The following NAV1 variants were observed in gnomAD, a reference collection of about 807,000 sequenced individuals.
NAV1 encodes pore membrane and/or filament interacting like protein 3.
In NAV1, 18 loss-of-function variants were observed where a neutral mutation model predicts 175.2. The observed-to-expected ratio is 0.10, with a 90% CI of 0.07 to 0.15. The LOEUF (loss-of-function observed/expected upper bound fraction) is 0.15. Ranked by LOEUF, NAV1 falls within the 10% of genes least tolerant of loss-of-function variation. The pLI is 1.00. For missense variants in NAV1, 1,731 were observed against 2,436.6 expected (o/e 0.71, Z 6.10); for synonymous variants, 897 against 978.7 (o/e 0.92, Z 1.56).
chr1:201,718,434 G>C lies in NAV1; in HGVS notation c.905G>C (p.Arg302Pro), dbSNP rs979962834. 6.4e-7 allele frequency: 1 copy of C among 1,555,070 alleles called. No homozygotes were observed. The highest frequency in any genetic ancestry group is 8.7e-7 in the Non-Finnish European group (1 of 1,144,638). Residue 302 changes from arginine to proline, a missense_variant, in exon 3 of 30, where the codon CGC becomes CCC. Arg to Pro is a moderately radical substitution (Grantham distance 103, BLOSUM62 -2). Coordinates refer to ENST00000367296, the Ensembl canonical transcript of NAV1. This position sits in a 1 kb window ranked among gnomAD's most constrained non-coding sequence, Gnocchi z 4.8. ...TACGACAGCGATGATGCCAACCCAC[G>C]CAGCGTGTCCAGCCTCTCCAACCGC... is the stretch of plus-strand genomic sequence containing the variant.
intron 3 of NAV1, among the ~76,000 whole-genome samples, chr1:201,727,823 G>A (rs1672673824): frequency 6.6e-6 from 1 of 152,170 alleles, no homozygotes; most frequent in Non-Finnish European, 1.5e-5. Context: ...AAGGAAGCAT[G>A]GGTATTTATA....
intron 11 of NAV1, 27 bp from the exon 16 acceptor site, chr1:201,790,527 T>C (rs1282573940): frequency 6.2e-7 from 1 of 1,613,678 alleles, no homozygotes; most frequent in Non-Finnish European, 8.5e-7. Flanking sequence ...TCTCTCTCTT[T>C]CTCTCCTTCT....
chr1:201,690,294 T>A (rs1230143016), intron 1 of NAV1, among the ~76,000 whole-genome samples: 1 of 107,108 alleles, frequency 9.3e-6, no homozygotes, highest in East Asian at 3.0e-4. Flanking sequence ...TGTGGCAGAA[T>A]GCTGGCTATT....
At chr1:201,823,492 A>G (rs556226834) in exon 30 of NAV1, 105 of 152,380 alleles carry the variant, frequency 6.9e-4, no homozygotes, top group African/African-American at 2.5e-3. Context: ...TGGCAGCTCT[A>G]CGGTGCTTAT....
At chr1:201,789,298 A>G (rs978064957) in intron 10 of NAV1, among the ~76,000 whole-genome samples, 1 of 152,172 alleles carries the variant, frequency 6.6e-6, no homozygotes, top group Non-Finnish European at 1.5e-5. Flanking sequence ...TTTCATCTGA[A>G]TGATCCCCAA....
intron 1 of NAV1, among the ~76,000 whole-genome samples, chr1:201,578,052 A>G (rs11585930): frequency 0.11 from 16,540 of 152,160 alleles, 1,027 homozygotes; most frequent in Admixed American, 0.14. Flanking sequence ...AAAGTTTTCA[A>G]CTATTTTTTC....
intron 15 of NAV1, 129 bp downstream of exon 19, chr1:201,794,706 C>A: frequency 2.4e-6 from 2 of 824,724 alleles, no homozygotes; most frequent in Non-Finnish European, 4.0e-6. Context: ...CCTTTAGATA[C>A]CCTTTAGTGT....
chr1:201,563,669 C>G (rs1347206872), intron 1 of NAV1, among the ~76,000 whole-genome samples: 1 of 152,110 alleles, frequency 6.6e-6, no homozygotes, highest in East Asian at 1.9e-4. Context: ...GCATGGATCC[C>G]TATTTCAGTG....
chr1:201,759,138 A>G (rs1179955287), intron 3 of NAV1, among the ~76,000 whole-genome samples: 2 of 152,180 alleles, frequency 1.3e-5, no homozygotes, highest in Non-Finnish European at 2.9e-5. Context: ...CCAAAAAAAG[A>G]TTAGATTATT....
At chr1:201,665,155 A>G (rs1669763498) in intron 1 of NAV1, among the ~76,000 whole-genome samples, 1 of 151,892 alleles carries the variant, frequency 6.6e-6, no homozygotes, top group Non-Finnish European at 1.5e-5. Flanking sequence ...CTTCTCTTTG[A>G]AGTGCTCCCC....
chr1:201,749,898 C>T (rs1673999000), intron 3 of NAV1, among the ~76,000 whole-genome samples: 1 of 152,024 alleles, frequency 6.6e-6, no homozygotes, highest in Admixed American at 6.6e-5. Context: ...GCAATTCTCT[C>T]TCCAAAATGA....
chr1:201,603,429 C>T (rs1235230526), intron 2 of NAV1, among the ~76,000 whole-genome samples: 1 of 152,234 alleles, frequency 6.6e-6, no homozygotes, highest in African/African-American at 2.4e-5. Flanking sequence ...TCATCTGTAA[C>T]TAGGGTCAGG....
chr1:201,633,528 A>G (rs561927525), intron 2 of NAV1, among the ~76,000 whole-genome samples: 1 of 152,298 alleles, frequency 6.6e-6, no homozygotes, highest in South Asian at 2.1e-4. Context: ...CACACTGTCC[A>G]AGCTCAACTC....
At chr1:201,568,977 C>T (rs1460401207) in intron 1 of NAV1, among the ~76,000 whole-genome samples, 1 of 152,136 alleles carries the variant, frequency 6.6e-6, no homozygotes, top group Non-Finnish European at 1.5e-5. Context: ...GGAGCCTGAA[C>T]CTCTGTGCAA....
exon 1 of NAV1, chr1:201,648,961 C>T: frequency 6.2e-7 from 1 of 1,613,156 alleles, no homozygotes; most frequent in South Asian, 1.1e-5. Context: ...TCTTTTCTCA[C>T]GGACTCCGAG....
At chr1:201,727,129 T>C (rs931995861) in intron 3 of NAV1, among the ~76,000 whole-genome samples, 23 of 152,214 alleles carry the variant, frequency 1.5e-4, no homozygotes, top group African/African-American at 4.1e-4. Context: ...TTACGTTAGA[T>C]ATCATAAATG....
chr1:201,593,671 G>C (rs1363255689), intron 2 of NAV1, among the ~76,000 whole-genome samples: 1 of 152,170 alleles, frequency 6.6e-6, no homozygotes, highest in Non-Finnish European at 1.5e-5. Context: ...ATGTTGCAAT[G>C]ATTGCAACAT....
rs1678773475 is a variant in NAV1 at position 201,812,799 on chromosome 1, A to G, written c.5221+138A>G. On this transcript the variant is annotated intron_variant, in intron 27 of 29. Transcript: ENST00000367296. The surrounding 1 kb of genome is among the most constrained non-coding windows in gnomAD (Gnocchi z 4.6). ...CAAGCCTTGTGGCTTCAGACTTAGAACCACTTAACGAGCCTTCCCAACACA... is the reference window on the plus strand; with the variant it reads ...CAAGCCTTGTGGCTTCAGACTTAGAGCCACTTAACGAGCCTTCCCAACACA... The G allele has an allele frequency of 2.6e-6, 2 of 755,008 alleles. No homozygotes were observed. The highest frequency in any genetic ancestry group is 2.2e-6 in the Non-Finnish European group (1 of 463,380). 46.8% of individuals were successfully genotyped at this position (755,008 alleles called of 1,614,324 possible).
intron 1 of NAV1, among the ~76,000 whole-genome samples, chr1:201,572,412 A>G (rs1030862474): frequency 3.5e-5 from 5 of 142,908 alleles, no homozygotes; most frequent in Non-Finnish European, 7.5e-5. Flanking sequence ...TCTGTCACCC[A>G]GGCTGGAGTG....
Sources: gnomAD v4.1 joint callset for allele counts (sites outside exome capture counted in the v4.1 genomes callset) on GRCh38, gnomAD v4.1.1 for gene constraint, Gnocchi (gnomAD v3.1) non-coding constraint, MANE v1.5 for transcripts, NCBI Gene and HGNC (gene_info 2026-07-23, HGNC 2026-07-21) for gene names.